The following MTFR1 variants were observed in gnomAD, a reference collection of about 807,000 sequenced individuals.
MTFR1 encodes the protein chondrocyte protein with a poly-proline region.
In MTFR1, 28 loss-of-function variants were observed where a neutral mutation model predicts 38.8. The ratio of observed to expected loss-of-function variants is 0.72; its 90% CI spans 0.53 to 0.99. The LOEUF (loss-of-function observed/expected upper bound fraction) is 0.99. Among genes scored for constraint, MTFR1 ranks in the 50% least tolerant of loss-of-function variants. The probability of loss-of-function intolerance (pLI) is 0.00; values close to 1 mark genes in which losing one functional copy is unlikely to be tolerated. For missense variants in MTFR1, 358 were observed against 395.5 expected, an observed-to-expected ratio of 0.91 and a Z score of 0.81; for synonymous variants, 145 against 137.0, an observed-to-expected ratio of 1.06 and a Z score of -0.41.
chr8:65,688,774 A>C (rs989137586), intron 3 of MTFR1, among the ~76,000 whole-genome samples: 3 of 152,048 alleles, frequency 2.0e-5, no homozygotes, highest in Non-Finnish European at 2.9e-5. Flanking sequence ...CATGGAAGCA[A>C]CTGGTAAAAG....
chr8:65,711,091 T>TTATC (rs1327565226), downstream of MTFR1, among the ~76,000 whole-genome samples: 5 of 151,832 alleles, frequency 3.3e-5, no homozygotes, highest in African/African-American at 1.2e-4. Context: ...GTTAAATAAT[T>TTATC]TATCTTTACT....
intron 3 of MTFR1, among the ~76,000 whole-genome samples, chr8:65,757,065 C>T (rs537381528): frequency 6.6e-6 from 1 of 152,144 alleles, no homozygotes; most frequent in Non-Finnish European, 1.5e-5. Context: ...TCCCTGAATG[C>T]GGTCCTCTTG....
intron 3 of MTFR1, among the ~76,000 whole-genome samples, chr8:65,768,925 T>A (rs1271909509): frequency 1.3e-5 from 2 of 152,180 alleles, no homozygotes; most frequent in African/African-American, 4.8e-5. Flanking sequence ...GAGGAAATTT[T>A]TTTATTCTGG....
Position 65,724,184 on chromosome 8 carries a change from T to C in MTFR1, c.*48+4703T>C, listed in dbSNP as rs904183122. 5 of 921,438 alleles carry C rather than the reference T, an allele frequency of 5.4e-6. No homozygotes were observed. The African/African-American group carries it at 8.2e-5, about 15-fold the overall frequency. 57.1% of individuals were successfully genotyped at this position (921,438 alleles called of 1,614,324 possible). A position where few individuals can be genotyped will look rare whatever the true frequency, so the allele number is the denominator to read the frequency against. On this transcript the variant is annotated intron_variant, in intron 3 of 3. Coordinates refer to the MTFR1 transcript ENST00000521247. The stretch of plus-strand genomic sequence containing the variant: ...TGCTAGACCCATATAAATTATTGAG[T>C]TATTTTATTCTTACGATGTTAAAAA...
At chr8:65,769,818 C>T (rs1387443731) in intron 3 of MTFR1, among the ~76,000 whole-genome samples, 1 of 152,124 alleles carries the variant, frequency 6.6e-6, no homozygotes, top group East Asian at 1.9e-4. Context: ...ATTGCTTGAA[C>T]CCAGGAAGTG....
chr8:65,691,505 C>G (rs118068126), intron 3 of MTFR1, among the ~76,000 whole-genome samples: 3 of 152,050 alleles, frequency 2.0e-5, no homozygotes, highest in Admixed American at 6.6e-5. Context: ...TGCCCAGGCT[C>G]GTCTCAAGCT....
intron 3 of MTFR1, among the ~76,000 whole-genome samples, chr8:65,749,100 G>A (rs1807814594): frequency 6.6e-6 from 1 of 152,124 alleles, no homozygotes; most frequent in Non-Finnish European, 1.5e-5. Context: ...CCCCTATCTT[G>A]AAGAGGCGGG....
Position 65,660,975 on chromosome 8 carries a change from C to CTA in MTFR1, c.-80-8893_-80-8892dup, listed in dbSNP as rs1273883922. Among the ~76,000 whole-genome samples the CTA allele has an allele frequency of 3.3e-5, 5 of 152,276 alleles. No individual in the cohort carries two copies. In the East Asian group the frequency reaches 9.7e-4, roughly 29 times the overall value. On this transcript the variant is annotated intron_variant, in intron 1 of 7. Coordinates refer to ENST00000262146, the MANE Select transcript of MTFR1 (RefSeq NM_014637.4). ...AGGCAAAGAAGCCATTCTGAAAAGGCTATATACTGTGTGATTCCAACTTCA... is the reference window on the plus strand; with the variant it reads ...AGGCAAAGAAGCCATTCTGAAAAGGCTATATATACTGTGTGATTCCAACTTCA...
At chr8:65,650,177 G>T (rs1220236295) in intron 1 of MTFR1, among the ~76,000 whole-genome samples, 1 of 145,348 alleles carries the variant, frequency 6.9e-6, no homozygotes, top group Non-Finnish European at 1.5e-5. Flanking sequence ...GCTATGCCAT[G>T]TTGGCCAGAC....
At chr8:65,658,594 G>A (rs1809329635) in intron 1 of MTFR1, among the ~76,000 whole-genome samples, 1 of 152,080 alleles carries the variant, frequency 6.6e-6, no homozygotes, top group Admixed American at 6.6e-5. Flanking sequence ...TGTAGGAATT[G>A]AATACACACA....
chr8:65,777,361 G>C, the MTFR1 span, among the ~76,000 whole-genome samples: 2 of 152,098 alleles, frequency 1.3e-5, no homozygotes, highest in Non-Finnish European at 2.9e-5. Context: ...TTACAAGCGT[G>C]AGCCACAACT....
upstream of MTFR1, among the ~76,000 whole-genome samples, chr8:65,644,177 G>T (rs567256630): frequency 1.3e-5 from 2 of 152,260 alleles, no homozygotes; most frequent in African/African-American, 4.8e-5. Flanking sequence ...TCTTTAGAAA[G>T]CACGTGCCCC....
intron 5 of MTFR1, among the ~76,000 whole-genome samples, chr8:65,706,331 C>T (rs922225410): frequency 6.6e-6 from 1 of 152,190 alleles, no homozygotes; most frequent in Non-Finnish European, 1.5e-5. Flanking sequence ...ATCAACACCT[C>T]CCCAATCAAA....
chr8:65,666,385 G>A (rs1487399095), intron 1 of MTFR1, among the ~76,000 whole-genome samples: 2 of 152,242 alleles, frequency 1.3e-5, no homozygotes, highest in African/African-American at 2.4e-5. Flanking sequence ...CAGCCTGGGC[G>A]ATGGAGTGAG....
At chr8:65,771,917 G>T (rs1329917699), downstream of MTFR1, among the ~76,000 whole-genome samples, 1 of 143,738 alleles carries the variant, frequency 7.0e-6, no homozygotes. Flanking sequence ...AGAAGAAGAA[G>T]AAAGAAGGAA....
At chr8:65,764,149 G>C (rs1485489351) in intron 3 of MTFR1, among the ~76,000 whole-genome samples, 1 of 152,224 alleles carries the variant, frequency 6.6e-6, no homozygotes, top group Non-Finnish European at 1.5e-5. Context: ...AATTACAATA[G>C]AAAAGAGATA....
At chr8:65,720,804 G>A (rs17304551) in intron 3 of MTFR1, among the ~76,000 whole-genome samples, 6,312 of 152,230 alleles carry the variant, frequency 0.041, 195 homozygotes, top group Non-Finnish European at 0.062. Flanking sequence ...AGCACACAGC[G>A]GCTTTCTGGC....
chr8:65,711,458 A>AACTT (rs1168176967), downstream of MTFR1, among the ~76,000 whole-genome samples: 1 of 152,204 alleles, frequency 6.6e-6, no homozygotes, highest in East Asian at 1.9e-4. Flanking sequence ...CAGAAGTTTA[A>AACTT]ACTTTCAGGA....
chr8:65,763,686 T>C (rs1473355975), intron 3 of MTFR1, among the ~76,000 whole-genome samples: 1 of 152,204 alleles, frequency 6.6e-6, no homozygotes, highest in Non-Finnish European at 1.5e-5. Flanking sequence ...GAACATAGCA[T>C]AGCTCCTCAG....
Sources: allele counts gnomAD v4.1 joint callset (sites outside exome capture counted in the v4.1 genomes callset), GRCh38; gene constraint gnomAD v4.1.1; transcripts MANE v1.5; gene names NCBI Gene and HGNC (gene_info 2026-07-23, HGNC 2026-07-21).